The following PEX2 variants were observed in gnomAD, a reference collection of about 807,000 sequenced individuals.
PEX2 encodes peroxisome biogenesis factor 2.
PEX2 carries 19 observed loss-of-function variants against 25.2 expected under a neutral mutation model. The ratio of observed to expected loss-of-function variants is 0.75; its 90% confidence interval spans 0.53 to 1.10. The LOEUF (loss-of-function observed/expected upper bound fraction) is 1.10. Among genes scored for constraint, PEX2 ranks in the 50% least tolerant of loss-of-function variants. The pLI, the probability that PEX2 is intolerant of heterozygous loss-of-function variation, is 0.00. For missense variants in PEX2, 347 were observed against 350.6 expected, an observed-to-expected ratio of 0.99 and a Z score of 0.08; for synonymous variants, 141 against 127.7, an observed-to-expected ratio of 1.10 and a Z score of -0.70.
intron 1 of PEX2, among the ~76,000 whole-genome samples, chr8:76,999,090 G>C (rs1338793613): frequency 6.6e-6 from 1 of 151,772 alleles, no homozygotes; most frequent in Non-Finnish European, 1.5e-5. Flanking sequence ...ATATAGGTGA[G>C]ATCAGATAAG....
chr8:76,997,828 G>A (rs967928631), intron 1 of PEX2, among the ~76,000 whole-genome samples: 14 of 152,306 alleles, frequency 9.2e-5, no homozygotes, highest in Non-Finnish European at 1.9e-4. Flanking sequence ...GAGAAAGGCA[G>A]AGGACACTAG....
chr8:76,984,060 C>T lies in PEX2; in HGVS notation c.119G>A (p.Cys40Tyr). ...EQLVWSQFTQ[C>Y]FHGFKPGLLA... is the part of the protein sequence containing the mutation. ...CAGCCCAGGTTTAAATCCATGAAAGCACTGAGTAAACTGGGACCAAACTAG... is the reference window on the plus strand; with the variant it reads ...CAGCCCAGGTTTAAATCCATGAAAGTACTGAGTAAACTGGGACCAAACTAG... Residue 40 changes from cysteine to tyrosine, a missense_variant, in exon 4 of 4, where the codon TGC becomes TAC. Physicochemically the swap from Cys to Tyr is radical, Grantham distance 194 (BLOSUM62 -2). Transcript: ENST00000357039. 1 of 1,612,718 alleles carries T rather than the reference C, an allele frequency of 6.2e-7. No individual in the cohort carries two copies. The highest frequency in any genetic ancestry group is 2.2e-5 in the East Asian group (1 of 44,874).
At chr8:76,996,583 T>A (rs6999547) in intron 1 of PEX2, among the ~76,000 whole-genome samples, 1 of 152,160 alleles carries the variant, frequency 6.6e-6, no homozygotes, top group East Asian at 1.9e-4. Flanking sequence ...GTTTAAATAC[T>A]CTATAAATAA....
intron 3 of PEX2, among the ~76,000 whole-genome samples, chr8:76,984,470 A>G (rs1806948180): frequency 6.6e-6 from 1 of 152,176 alleles, no homozygotes. Context: ...AAAACAAAAC[A>G]AAACTGTACC....
intron 1 of PEX2, among the ~76,000 whole-genome samples, chr8:76,992,262 T>C (rs1207582950): frequency 6.6e-6 from 1 of 152,210 alleles, no homozygotes; most frequent in Non-Finnish European, 1.5e-5. Flanking sequence ...CCTATCAACA[T>C]AGTTGTGCCT....
chr8:77,000,580 T>TG (rs1293282044), upstream of PEX2, among the ~76,000 whole-genome samples: 1 of 152,142 alleles, frequency 6.6e-6, no homozygotes, highest in Non-Finnish European at 1.5e-5. Context: ...GCGTCGGGCC[T>TG]GGGGCAGTTG....
rs900588266 is a variant in PEX2 at position 76,983,101 on chromosome 8, T to C, written c.*160A>G. 6.1e-5 allele frequency: 90 copies of C among 1,466,640 alleles called. No individual in the cohort carries two copies. The highest frequency in any genetic ancestry group is 7.5e-5 in the Non-Finnish European group (83 of 1,106,648). 90.9% of individuals were successfully genotyped at this position (1,466,640 alleles called of 1,614,324 possible). Reference sequence around the variant, plus strand: ...TTTACATAATATATTTAGAATCACATGGTTTCCAGTGATTAGATTTCAGTC... The same window carrying C: ...TTTACATAATATATTTAGAATCACACGGTTTCCAGTGATTAGATTTCAGTC... On this transcript the variant is annotated 3_prime_UTR_variant, in exon 4 of 4. Coordinates refer to ENST00000357039, the MANE Select transcript of PEX2 (RefSeq NM_000318.3).
intron 1 of PEX2, among the ~76,000 whole-genome samples, chr8:76,988,912 A>G (rs955196551): frequency 6.6e-6 from 1 of 151,292 alleles, no homozygotes; most frequent in Non-Finnish European, 1.5e-5. Flanking sequence ...GAAGCAACTC[A>G]CTGGGTGCAG....
chr8:76,998,525 T>C (rs1231182981), intron 1 of PEX2, among the ~76,000 whole-genome samples: 1 of 152,236 alleles, frequency 6.6e-6, no homozygotes, highest in African/African-American at 2.4e-5. Context: ...TAGCTGTGAA[T>C]ATATTATTTT....
rs1563608148 is a variant in PEX2, at chr8:76,986,222, C to T, written c.-53G>A. The T allele has an allele frequency of 6.6e-6, 1 of 152,182 alleles. No homozygotes were observed. The highest frequency in any genetic ancestry group is 1.5e-5 in the Non-Finnish European group (1 of 68,028). 9.4% of individuals were successfully genotyped at this position (152,182 alleles called of 1,614,324 possible). A position where few individuals can be genotyped will look rare whatever the true frequency, so the allele number is the denominator to read the frequency against. ...TTCCTGCAGCTCCCTCAAGACTGGA[C>T]AGCCTATAGCTATGACAGTGGGAAT... On this transcript the variant is annotated 5_prime_UTR_variant, in exon 3 of 4. Transcript: ENST00000357039.
At chr8:76,987,706 G>A (rs1273870199) in intron 2 of PEX2, among the ~76,000 whole-genome samples, 1 of 152,082 alleles carries the variant, frequency 6.6e-6, no homozygotes, top group Non-Finnish European at 1.5e-5. Context: ...GTATCAATGG[G>A]GACAGAGAGA....
chr8:76,999,411 T>C (rs1807428901), intron 1 of PEX2, among the ~76,000 whole-genome samples: 1 of 152,194 alleles, frequency 6.6e-6, no homozygotes, highest in African/African-American at 2.4e-5. Context: ...ATGTTAACAA[T>C]TCTCACATTC....
upstream of PEX2, chr8:77,000,401 G>C (rs1807476064): frequency 6.5e-6 from 1 of 154,070 alleles, no homozygotes; most frequent in African/African-American, 2.4e-5. Flanking sequence ...GGAAGCCGGG[G>C]CTTGGGAGGG....
rs1033531025 is a variant in PEX2, at chr8:77,000,038, A to G, written c.-208T>C. 1.8e-5 allele frequency: 8 copies of G among 446,554 alleles called. No individual in the cohort carries two copies. Among genetic ancestry groups the G allele is most frequent in the African/African-American group, 1.6e-4 (8 of 49,450 alleles). 27.7% of individuals were successfully genotyped at this position (446,554 alleles called of 1,614,324 possible). ...CGCTCCACGTAACTTTCTCTGAAAC[A>G]TTCTCTGGAAAGCTTGTCTTTTCCT... On this transcript the variant is annotated 5_prime_UTR_variant, in exon 1 of 4. An upstream start codon of the reference 5' UTR is lost. Coordinates refer to ENST00000357039, the MANE Select transcript of PEX2 (RefSeq NM_000318.3).
rs538469561 is a variant in PEX2, at chr8:76,998,461, GATAAA to G, written c.-160+1524_-160+1528del. Among the ~76,000 whole-genome samples the G allele has an allele frequency of 2.8e-4, 42 of 152,230 alleles. No homozygotes were observed. The East Asian group carries it at 5.8e-3, about 21-fold the overall frequency. ...AAGAAAAACATTTCAAATTTGTATT[GATAAA>G]ATAAATTGAAACAGAATAGGGACAT... On this transcript the variant is annotated intron_variant, in intron 1 of 3. Coordinates refer to ENST00000357039, the MANE Select transcript of PEX2 (RefSeq NM_000318.3).
At position 76,983,475 on chromosome 8, in the gene PEX2, T is replaced by C. The variant is rs946203028; in HGVS notation, c.704A>G (p.Asn235Ser). 1.9e-6 allele frequency: 3 copies of C among 1,614,030 alleles called. No individual in the cohort carries two copies. Among genetic ancestry groups the C allele is most frequent in the South Asian group, 2.2e-5 (2 of 91,084 alleles). The change falls in exon 4 of 4, where the codon AAT (asparagine) becomes AGT (serine). Residue 235 changes from asparagine (N) to serine (S), a missense_variant. Transcript: ENST00000357039. ...TTCTTTGCCACTGGTGGCTAATGTA[T>C]TGTCACTATTAGGTGCACCAGTAAG... is the stretch of plus-strand genomic sequence containing the variant. ...IPLTGAPNSD[N>S]TLATSGKECA...
chr8:76,980,911 T>G lies in PEX2; in HGVS notation c.*2350A>C, dbSNP rs1194987439. On this transcript the variant is annotated 3_prime_UTR_variant, in exon 4 of 4. Coordinates refer to ENST00000357039, the MANE Select transcript of PEX2 (RefSeq NM_000318.3). ...GCCCTAGGTTATACACAAGTGGGAT[T>G]TGAATTCTAGCGGAATCTGTGTCCC... The G allele has an allele frequency of 1.3e-5, 2 of 152,228 alleles. No individual in the cohort carries two copies. The highest frequency in any genetic ancestry group is 1.5e-5 in the Non-Finnish European group (1 of 68,048). 9.4% of individuals were successfully genotyped at this position (152,228 alleles called of 1,614,324 possible).
chr8:76,991,005 C>A (rs924618505), intron 1 of PEX2, among the ~76,000 whole-genome samples: 11 of 152,136 alleles, frequency 7.2e-5, no homozygotes, highest in African/African-American at 2.2e-4. Context: ...GTGAACTAGG[C>A]TATACCAAGT....
intron 1 of PEX2, among the ~76,000 whole-genome samples, chr8:76,994,410 T>C (rs1807261989): frequency 6.6e-6 from 1 of 152,148 alleles, no homozygotes; most frequent in African/African-American, 2.4e-5. Context: ...ATAATGTGGG[T>C]ATTGTCAAGG....
Sources: gnomAD v4.1 joint callset for allele counts (sites outside exome capture counted in the v4.1 genomes callset) on GRCh38, gnomAD v4.1.1 for gene constraint, MANE v1.5 for transcripts, NCBI Gene and HGNC (gene_info 2026-07-23, HGNC 2026-07-21) for gene names.